The following MGAT4C variants were observed in gnomAD, a reference collection of about 807,000 sequenced individuals.
MGAT4C encodes MGAT4 family member C.
A neutral mutation model predicts 40.1 loss-of-function variants in MGAT4C; 19 were observed. The ratio of observed to expected loss-of-function variants is 0.47; its 90% CI spans 0.33 to 0.70. MGAT4C has a LOEUF of 0.70. MGAT4C is among the 30% of genes least tolerant of loss of function. MGAT4C has a pLI of 0.02. For missense variants in MGAT4C, 491 were observed against 563.2 expected (o/e 0.87, Z 1.30); for synonymous variants, 181 against 187.1 (o/e 0.97, Z 0.27).
intron 4 of MGAT4C, among the ~76,000 whole-genome samples, chr12:86,308,251 A>C (rs1022639329): frequency 2.0e-5 from 3 of 150,562 alleles, no homozygotes; most frequent in Non-Finnish European, 2.9e-5. Flanking sequence ...CATTTATTGA[A>C]TATTTTGTTC....
At chr12:86,592,479 A>T (rs74394260) in intron 2 of MGAT4C, among the ~76,000 whole-genome samples, 9,488 of 151,492 alleles carry the variant, frequency 0.063, 450 homozygotes, top group East Asian at 0.19. Flanking sequence ...CACATTTTTT[A>T]AAAAAAAGTA....
intron 3 of MGAT4C, among the ~76,000 whole-genome samples, chr12:86,374,459 A>G (rs918463302): frequency 1.3e-5 from 2 of 152,230 alleles, no homozygotes; most frequent in Non-Finnish European, 1.5e-5. Flanking sequence ...CACTGAAGAA[A>G]CTATTATATT....
chr12:86,321,521 T>C (rs1319181589), intron 4 of MGAT4C, among the ~76,000 whole-genome samples: 2 of 152,264 alleles, frequency 1.3e-5, no homozygotes, highest in East Asian at 3.9e-4. Context: ...AGCTAATGAG[T>C]AAACTAAGAC....
chr12:86,240,204 A>T (rs1326582698), intron 1 of MGAT4C, among the ~76,000 whole-genome samples: 1 of 122,206 alleles, frequency 8.2e-6, no homozygotes. Flanking sequence ...GATATATATC[A>T]TATATATATA....
chr12:86,556,533 A>G (rs948254287), intron 2 of MGAT4C, among the ~76,000 whole-genome samples: 2 of 152,160 alleles, frequency 1.3e-5, no homozygotes, highest in Non-Finnish European at 2.9e-5. Context: ...TTCTTCCAGG[A>G]TTCCCTTGAC....
chr12:86,552,286 A>G (rs969264883), intron 2 of MGAT4C, among the ~76,000 whole-genome samples: 4 of 152,100 alleles, frequency 2.6e-5, no homozygotes, highest in Non-Finnish European at 4.4e-5. Context: ...AAAGTTAATC[A>G]GTGCATGTTC....
intron 4 of MGAT4C, among the ~76,000 whole-genome samples, chr12:86,302,095 GT>G (rs1301802845): frequency 6.6e-5 from 10 of 150,826 alleles, no homozygotes; most frequent in Non-Finnish European, 1.3e-4. Flanking sequence ...CCCAAAGTAG[GT>G]TTAAATTCAG....
chr12:86,160,000 A>G (rs1236337532), intron 1 of MGAT4C, among the ~76,000 whole-genome samples: 1 of 152,048 alleles, frequency 6.6e-6, no homozygotes, highest in Non-Finnish European at 1.5e-5. Context: ...ATTCTTGGTT[A>G]CGTTGATCTT....
intron 3 of MGAT4C, among the ~76,000 whole-genome samples, chr12:86,372,299 A>C (rs1465657025): frequency 6.6e-6 from 1 of 151,882 alleles, no homozygotes; most frequent in Non-Finnish European, 1.5e-5. Flanking sequence ...TAAGTACTTT[A>C]ACCACCCGAA....
intron 1 of MGAT4C, among the ~76,000 whole-genome samples, chr12:86,728,081 T>A (rs1325159136): frequency 6.6e-6 from 1 of 152,198 alleles, no homozygotes; most frequent in Non-Finnish European, 1.5e-5. Context: ...GTTAACTATA[T>A]TTATAAAATC....
At chr12:86,285,392 C>CT (rs1374904478) in intron 4 of MGAT4C, among the ~76,000 whole-genome samples, 1 of 151,944 alleles carries the variant, frequency 6.6e-6, no homozygotes, top group Non-Finnish European at 1.5e-5. Context: ...TTGTGCTTTG[C>CT]TTGTAATAAA....
chr12:86,545,965 C>T (rs1342190371), intron 2 of MGAT4C, among the ~76,000 whole-genome samples: 1 of 151,770 alleles, frequency 6.6e-6, no homozygotes, highest in African/African-American at 2.4e-5. Flanking sequence ...TATATTTTTT[C>T]TTATCATGAT....
intron 3 of MGAT4C, among the ~76,000 whole-genome samples, chr12:86,418,673 A>G (rs773279732): frequency 9.9e-5 from 15 of 152,222 alleles, no homozygotes; most frequent in Non-Finnish European, 1.9e-4. Flanking sequence ...TGAATAAGTG[A>G]AAGTATAAAT....
At chr12:86,239,099 T>C (rs1219805261) in intron 1 of MGAT4C, among the ~76,000 whole-genome samples, 3 of 152,104 alleles carry the variant, frequency 2.0e-5, no homozygotes, top group Non-Finnish European at 4.4e-5. Flanking sequence ...TCTTGTCTTT[T>C]ACTTTTAGGA....
intron 1 of MGAT4C, among the ~76,000 whole-genome samples, chr12:86,110,562 A>T (rs1017896824): frequency 6.0e-5 from 9 of 151,040 alleles, no homozygotes; most frequent in Non-Finnish European, 4.4e-5. Context: ...CATTTTTAGG[A>T]CATTAAACAT....
At chr12:86,326,251 T>G (rs565849894) in intron 4 of MGAT4C, among the ~76,000 whole-genome samples, 177 of 151,850 alleles carry the variant, frequency 1.2e-3, no homozygotes, top group Non-Finnish European at 2.0e-3. Context: ...AATAATGTAG[T>G]GTATACTTAA....
intron 1 of MGAT4C, among the ~76,000 whole-genome samples, chr12:86,819,306 C>T (rs1460070759): frequency 6.6e-6 from 1 of 150,828 alleles, no homozygotes; most frequent in Admixed American, 6.6e-5. Context: ...TGATATGAAT[C>T]TTCCTTTTTC....
At chr12:86,483,447 G>T (rs1246957979) in intron 2 of MGAT4C, among the ~76,000 whole-genome samples, 2 of 152,002 alleles carry the variant, frequency 1.3e-5, no homozygotes, top group Non-Finnish European at 2.9e-5. Flanking sequence ...ATAATTAGAT[G>T]AGTGTGTATT....
intron 2 of MGAT4C, among the ~76,000 whole-genome samples, chr12:86,685,067 T>C (rs944797507): frequency 3.3e-5 from 5 of 152,174 alleles, no homozygotes; most frequent in Admixed American, 1.3e-4. Context: ...ATTTCGGCTT[T>C]TGTTGCAATT....
Sources: gnomAD v4.1 joint callset for allele counts (sites outside exome capture counted in the v4.1 genomes callset) on GRCh38, gnomAD v4.1.1 for gene constraint, MANE v1.5 for transcripts, NCBI Gene and HGNC (gene_info 2026-07-23, HGNC 2026-07-21) for gene names.